FAR2: variants seen among roughly 807,000 people sequenced by gnomAD.
The protein encoded by FAR2 is epididymis secretory protein Li 81.
In FAR2, 19 loss-of-function variants were observed where a neutral mutation model predicts 56.0. That is an observed-to-expected ratio of 0.34 (90% CI 0.24 to 0.50). The LOEUF (loss-of-function observed/expected upper bound fraction) is 0.50. Among genes scored for constraint, FAR2 ranks in the 20% least tolerant of loss-of-function variants. FAR2 has a pLI of 0.98. For missense variants in FAR2, 508 were observed against 642.2 expected, an observed-to-expected ratio of 0.79 and a Z score of 2.26; for synonymous variants, 219 against 218.8, an observed-to-expected ratio of 1.00 and a Z score of -0.01.
chr12:29,297,248 T>C (rs768262655), intron 4 of FAR2, 48 bp downstream of exon 4: 40 of 1,498,278 alleles, frequency 2.7e-5, no homozygotes, highest in Non-Finnish European at 3.5e-5. Flanking sequence ...AATAAGTTCC[T>C]TTGTTCTCTT....
intron 1 of FAR2, among the ~76,000 whole-genome samples, chr12:29,202,930 A>G (rs963061718): frequency 6.6e-6 from 1 of 152,064 alleles, no homozygotes; most frequent in Non-Finnish European, 1.5e-5. Context: ...ACTAACACAC[A>G]GGACATTCCA....
At chr12:29,291,117 A>G (rs922611013) in intron 2 of FAR2, among the ~76,000 whole-genome samples, 9 of 152,128 alleles carry the variant, frequency 5.9e-5, no homozygotes, top group Admixed American at 5.2e-4. Context: ...AAATATATAT[A>G]CCTACTATGT....
intron 1 of FAR2, among the ~76,000 whole-genome samples, chr12:29,185,457 C>T (rs1487834367): frequency 6.6e-6 from 1 of 152,068 alleles, no homozygotes; most frequent in Non-Finnish European, 1.5e-5. Flanking sequence ...GAAACAAGCA[C>T]CAGAAAAATA....
intron 10 of FAR2, among the ~76,000 whole-genome samples, chr12:29,328,950 C>G (rs1157125399): frequency 6.6e-6 from 1 of 151,706 alleles, no homozygotes; most frequent in African/African-American, 2.4e-5. Context: ...ACCTTGCTTG[C>G]CAGCTAAGGG....
intron 1 of FAR2, among the ~76,000 whole-genome samples, chr12:29,237,766 G>C (rs1452077487): frequency 6.6e-6 from 1 of 152,150 alleles, no homozygotes; most frequent in Non-Finnish European, 1.5e-5. Context: ...TTTTGCCAAT[G>C]ATAAACTTTG....
chr12:29,217,581 CA>C (rs1474952334), intron 1 of FAR2, among the ~76,000 whole-genome samples: 1 of 152,128 alleles, frequency 6.6e-6, no homozygotes. Flanking sequence ...TAAAGATATT[CA>C]AAATCAGATG....
chr12:29,179,816 T>C (rs1326484691), intron 1 of FAR2, among the ~76,000 whole-genome samples: 1 of 152,190 alleles, frequency 6.6e-6, no homozygotes, highest in Non-Finnish European at 1.5e-5. Flanking sequence ...AGTCAGGTAT[T>C]ATAGAAGGGA....
intron 1 of FAR2, among the ~76,000 whole-genome samples, chr12:29,248,559 C>T (rs1948163120): frequency 6.6e-6 from 1 of 152,122 alleles, no homozygotes; most frequent in Admixed American, 6.5e-5. Context: ...ACCACAGGAC[C>T]ACAAGACCAG....
intron 1 of FAR2, among the ~76,000 whole-genome samples, chr12:29,259,273 G>A (rs999028191): frequency 6.6e-5 from 10 of 152,128 alleles, no homozygotes; most frequent in Non-Finnish European, 1.0e-4. Context: ...AAGGAAGGCC[G>A]GGGATGCTGC....
chr12:29,201,023 A>C (rs1947402178), intron 1 of FAR2, among the ~76,000 whole-genome samples: 1 of 152,280 alleles, frequency 6.6e-6, no homozygotes, highest in Non-Finnish European at 1.5e-5. Context: ...TGCAAGGGAC[A>C]GACTCCCTGC....
intron 1 of FAR2, among the ~76,000 whole-genome samples, chr12:29,254,776 AC>A (rs1176619106): frequency 6.6e-6 from 1 of 151,856 alleles, no homozygotes; most frequent in African/African-American, 2.4e-5. Context: ...ACATGGTGAA[AC>A]CCCATCTCTA....
At chr12:29,170,675 C>G (rs1949876715) in intron 1 of FAR2, among the ~76,000 whole-genome samples, 1 of 151,862 alleles carries the variant, frequency 6.6e-6, no homozygotes, top group South Asian at 2.1e-4. Context: ...CTCTTTTTCT[C>G]TGTCTCTTCC....
intron 2 of FAR2, 109 bp downstream of exon 2, chr12:29,270,747 A>G: frequency 8.7e-6 from 8 of 915,408 alleles, no homozygotes; most frequent in Non-Finnish European, 1.1e-5. Context: ...GGCTACCTGC[A>G]CAGGTAGAGG....
At chr12:29,271,885 T>G (rs1320854144) in intron 2 of FAR2, among the ~76,000 whole-genome samples, 1 of 152,204 alleles carries the variant, frequency 6.6e-6, no homozygotes, top group Non-Finnish European at 1.5e-5. Flanking sequence ...GGCCTGAAGC[T>G]TTAACTTACC....
chr12:29,203,726 G>A (rs996461788), intron 1 of FAR2, among the ~76,000 whole-genome samples: 1 of 152,124 alleles, frequency 6.6e-6, no homozygotes, highest in Non-Finnish European at 1.5e-5. Context: ...TCGGCCGGGG[G>A]CGGTGGCTCA....
chr12:29,248,109 T>C (rs1027329197), intron 1 of FAR2, among the ~76,000 whole-genome samples: 3 of 152,244 alleles, frequency 2.0e-5, no homozygotes, highest in African/African-American at 7.2e-5. Context: ...CACAATTACT[T>C]TAGTGCAACT....
chr12:29,283,642 T>C (rs1948822287), intron 2 of FAR2, among the ~76,000 whole-genome samples: 1 of 152,214 alleles, frequency 6.6e-6, no homozygotes, highest in Non-Finnish European at 1.5e-5. Flanking sequence ...GTATTCAACA[T>C]TGCTTTTTAA....
At chr12:29,155,024 G>C (rs1320830287) in intron 1 of FAR2, among the ~76,000 whole-genome samples, 2 of 152,202 alleles carry the variant, frequency 1.3e-5, no homozygotes, top group Admixed American at 1.3e-4. Flanking sequence ...TCTGTTAATA[G>C]GCATTAAGTT....
chr12:29,204,222 AT>A (rs1947452996), intron 1 of FAR2, among the ~76,000 whole-genome samples: 2 of 151,918 alleles, frequency 1.3e-5, no homozygotes, highest in Admixed American at 1.3e-4. Flanking sequence ...ACAGATGCAG[AT>A]TTTTTCACAT....
Sources: gnomAD v4.1 joint callset for allele counts (sites outside exome capture counted in the v4.1 genomes callset) on GRCh38, gnomAD v4.1.1 for gene constraint, MANE v1.5 for transcripts, NCBI Gene and HGNC (gene_info 2026-07-23, HGNC 2026-07-21) for gene names.